The following HUWE1 variants were observed in gnomAD, a reference collection of about 807,000 sequenced individuals.
HUWE1 encodes HECT, UBA and WWE domain containing E3 ubiquitin protein ligase 1.
Under a neutral mutation model 299.4 loss-of-function variants are expected in HUWE1, and 18 were observed. That is an observed-to-expected ratio of 0.06 (90% CI 0.04 to 0.09). HUWE1 has a LOEUF of 0.09. Ranked by LOEUF, HUWE1 falls within the 10% of genes least tolerant of loss-of-function variation. The pLI, the probability that HUWE1 is intolerant of heterozygous loss-of-function variation, is 1.00. For missense variants in HUWE1, 1,832 were observed against 3,462.3 expected, an observed-to-expected ratio of 0.53 and a Z score of 11.82; for synonymous variants, 1,317 against 1,286.1, an observed-to-expected ratio of 1.02 and a Z score of -0.51.
rs189832102 is a variant in HUWE1 at position 53,595,711 on chromosome X, G to A, written c.3164-308C>T. Among the ~76,000 whole-genome samples, 97 of 111,902 alleles carry A rather than the reference G, an allele frequency of 8.7e-4. 1 individual carries two copies. The highest frequency in any genetic ancestry group is 1.3e-3 in the Non-Finnish European group (69 of 53,211). On this transcript the variant is annotated intron_variant, in intron 29 of 83. Transcript: ENST00000262854. Reference sequence around the variant, plus strand: ...TTAAGTTAAATGATATCTAGTGGATGATAAAGTCACTTAAAATGCCTACAG... The same window carrying A: ...TTAAGTTAAATGATATCTAGTGGATAATAAAGTCACTTAAAATGCCTACAG...
intron 60 of HUWE1, 53 bp from the exon 61 acceptor site, chrX:53,554,973 G>A: frequency 1.0e-6 from 1 of 973,434 alleles, no homozygotes; most frequent in Non-Finnish European, 1.4e-6. Context: ...CCAATGATGA[G>A]GGGAGCCACC....
intron 79 of HUWE1, 39 bp from the exon 80 acceptor site, chrX:53,536,291 TG>T (rs781918213): frequency 3.7e-5 from 42 of 1,146,884 alleles, no homozygotes; most frequent in South Asian, 1.6e-4. Flanking sequence ...GGTTTGCGAG[TG>T]GGGGGGAAGA....
rs782430556 is a variant in HUWE1, at chrX:53,628,851, T to G, written c.1015A>C (p.Arg339=). The part of the protein sequence containing the change: ...RTLTSIVHLE[R]TPKLSSIIDC... ...ATAATACTGCTGAGTTTGGGAGTTC[T>G]CTCCAAGTGGACAATTGATGTTAAT... Residue 339 remains arginine, a synonymous_variant, in exon 14 of 84, where the codon AGA becomes CGA. Transcript: ENST00000262854. The G allele has an allele frequency of 5.0e-6, 6 of 1,209,044 alleles. No homozygotes were observed. The East Asian group carries it at 1.8e-4, about 36-fold the overall frequency.
At chrX:53,577,512 TCTCCCTCTCC>T (rs1447180310) in intron 43 of HUWE1, among the ~76,000 whole-genome samples, 68 of 79,401 alleles carry the variant, frequency 8.6e-4, no homozygotes, top group Non-Finnish European at 1.1e-3. Context: ...TCCCTCTCCC[TCTCCCTCTCC>T]CTCCCTCTCC....
chrX:53,644,852 A>G (rs1315615624), intron 7 of HUWE1, among the ~76,000 whole-genome samples: 1 of 112,014 alleles, frequency 8.9e-6, no homozygotes, highest in Non-Finnish European at 1.9e-5. Flanking sequence ...TCTGGCTTCA[A>G]TTACAATCAC....
chrX:53,539,171 A>G, intron 75 of HUWE1, 91 bp from the exon 76 acceptor site: 1 of 970,431 alleles, frequency 1.0e-6, no homozygotes, highest in East Asian at 3.4e-5. Flanking sequence ...TATAAAAATA[A>G]ATAAGGAAGA....
intron 3 of HUWE1, among the ~76,000 whole-genome samples, chrX:53,677,469 G>T (rs1442449410): frequency 9.1e-6 from 1 of 109,814 alleles, no homozygotes; most frequent in Non-Finnish European, 1.9e-5. Context: ...GGTAAGAAAT[G>T]GGAGTCAGAA....
intron 2 of HUWE1, among the ~76,000 whole-genome samples, chrX:53,684,626 CAA>C (rs2070373926): frequency 2.7e-5 from 3 of 112,474 alleles, no homozygotes; most frequent in South Asian, 3.6e-4. Flanking sequence ...GGAAGCGGAG[CAA>C]AGAGTCCCCC....
At chrX:53,621,917 C>T (rs1489365235) in intron 19 of HUWE1, among the ~76,000 whole-genome samples, 2 of 111,981 alleles carry the variant, frequency 1.8e-5, no homozygotes, top group Admixed American at 1.9e-4. Context: ...GCATAGGCTA[C>T]AAACAGACCC....
chrX:53,550,801 G>A, intron 65 of HUWE1, 33 bp from the exon 66 acceptor site: 1 of 1,199,058 alleles, frequency 8.3e-7, no homozygotes, highest in Non-Finnish European at 1.1e-6. Flanking sequence ...CTGAGATTGT[G>A]GAGAGGGTGT....
intron 43 of HUWE1, among the ~76,000 whole-genome samples, chrX:53,578,711 C>T (rs1556962692): frequency 6.8e-5 from 5 of 73,611 alleles, no homozygotes; most frequent in Admixed American, 2.7e-4. Flanking sequence ...CCAGCCGCCC[C>T]GTCCGGGAGG....
chrX:53,650,194 G>A (rs1328991420), intron 4 of HUWE1, among the ~76,000 whole-genome samples: 14 of 112,187 alleles, frequency 1.2e-4, no homozygotes, highest in African/African-American at 4.2e-4. Context: ...CAGTAAATAG[G>A]TCAAAATAGC....
At chrX:53,560,676 C>T (rs2062243402) in intron 55 of HUWE1, among the ~76,000 whole-genome samples, 1 of 111,552 alleles carries the variant, frequency 9.0e-6, no homozygotes, top group Non-Finnish European at 1.9e-5. Flanking sequence ...AGTGATGCTT[C>T]TAGGCCCCTC....
At chrX:53,681,211 G>A (rs185624083) in intron 2 of HUWE1, among the ~76,000 whole-genome samples, 2,036 of 110,330 alleles carry the variant, frequency 0.018, 41 homozygotes, top group African/African-American at 0.064. Context: ...CGAGGCGGGC[G>A]GATCACGAGG....
rs1430267831 is a variant in HUWE1 at position 53,583,327 on chromosome X, G to T, written c.5520+231C>A. ...GATTAAAAAAAAAAAAAGAAAAAAA[G>T]AAAAAAAAGAAAACCAGATTGCTGG... On this transcript the variant is annotated intron_variant, in intron 42 of 83. Coordinates refer to ENST00000262854, the MANE Select transcript of HUWE1 (RefSeq NM_031407.7). Among the ~76,000 whole-genome samples the T allele has an allele frequency of 3.7e-5, 4 of 107,326 alleles. No individual in the cohort carries two copies. In the Admixed American group the frequency reaches 3.9e-4, roughly 11 times the overall value. The allele number at this position is 107,326 out of a possible 115,157, so 93.2% of individuals were successfully genotyped here.
intron 29 of HUWE1, among the ~76,000 whole-genome samples, chrX:53,597,927 A>G (rs2064587454): frequency 8.9e-6 from 1 of 111,820 alleles, no homozygotes; most frequent in South Asian, 3.7e-4. Flanking sequence ...CCTGAAATAA[A>G]TTCCTGTTGG....
chrX:53,575,023 A>G (rs2063030355), intron 46 of HUWE1, 132 bp downstream of exon 46: 4 of 526,745 alleles, frequency 7.6e-6, no homozygotes, highest in East Asian at 3.6e-5. Context: ...CTCACCTGAG[A>G]AAGTTCACTT....
At chrX:53,610,108 A>G (rs1442152809) in intron 23 of HUWE1, among the ~76,000 whole-genome samples, 1 of 111,706 alleles carries the variant, frequency 9.0e-6, no homozygotes, top group Admixed American at 9.5e-5. Flanking sequence ...GTTCCTCCTC[A>G]GAACCACTGC....
At chrX:53,572,480 C>T (rs1373043273) in intron 47 of HUWE1, among the ~76,000 whole-genome samples, 1 of 112,069 alleles carries the variant, frequency 8.9e-6, no homozygotes, top group Non-Finnish European at 1.9e-5. Context: ...GATGGCAACA[C>T]TAGTGCCCCT....
Sources: gnomAD v4.1 joint callset for allele counts (sites outside exome capture counted in the v4.1 genomes callset) on GRCh38, gnomAD v4.1.1 for gene constraint, MANE v1.5 for transcripts, NCBI Gene and HGNC (gene_info 2026-07-23, HGNC 2026-07-21) for gene names.